The following SAP18 variants were observed in gnomAD, a reference collection of about 807,000 sequenced individuals.
SAP18 encodes the protein histone deacetylase complex subunit SAP18.
In SAP18, 4 loss-of-function variants were observed where a neutral mutation model predicts 18.6. The observed-to-expected ratio is 0.21, with a 90% CI of 0.11 to 0.49. The LOEUF (loss-of-function observed/expected upper bound fraction) is 0.49. Among genes scored for constraint, SAP18 ranks in the 20% least tolerant of loss-of-function variants. The probability of loss-of-function intolerance (pLI) is 0.98; values close to 1 mark genes in which losing one functional copy is unlikely to be tolerated. For synonymous variants in SAP18, 112 were observed against 82.8 expected, an observed-to-expected ratio of 1.35 and a Z score of -1.92; for missense variants, 170 against 226.4, an observed-to-expected ratio of 0.75 and a Z score of 1.60.
intron 2 of SAP18, among the ~76,000 whole-genome samples, chr13:21,144,226 G>A (rs1227975908): frequency 6.6e-6 from 1 of 152,018 alleles, no homozygotes; most frequent in Non-Finnish European, 1.5e-5. Flanking sequence ...CCAACATGGT[G>A]AAACCCCGTC....
Position 21,140,562 on chromosome 13 carries a change from G to A in SAP18, c.10G>A (p.Ala4Thr), listed in dbSNP as rs1184872447. Residue 4 changes from alanine to threonine, a missense_variant, in exon 1 of 4, where the codon GCA (alanine) becomes ACA (threonine). Around this residue, in one of 2 missense-constraint regions of SAP18, gnomAD observed 60 missense variants for 26.2 expected, o/e 2.29. Transcript: ENST00000621421. ...GAGAGACTTAGTGCTCATGCTCGCT[G>A]CAGGGGTCGGAGGTCAGGGCGAGCG... The A allele has an allele frequency of 3.1e-6, 5 of 1,596,242 alleles. No homozygotes were observed. The Admixed American group carries it at 7.0e-5, about 22-fold the overall frequency.
At chr13:21,141,281 A>G in intron 2 of SAP18, 2 of 468,808 alleles carry the variant, frequency 4.3e-6, no homozygotes, top group Non-Finnish European at 7.8e-6. Context: ...AGTGATAGGT[A>G]GATAAATATG....
intron 2 of SAP18, among the ~76,000 whole-genome samples, chr13:21,145,065 CTTTTTTT>C (rs1167195491): frequency 3.1e-5 from 4 of 127,736 alleles, no homozygotes; most frequent in Non-Finnish European, 6.6e-5. Flanking sequence ...TTCTTGACCT[CTTTTTTT>C]TTTTTTTTTT....
chr13:21,146,841 A>T (rs1293915875), exon 3 of SAP18: 1 of 1,610,848 alleles, frequency 6.2e-7, no homozygotes, highest in Non-Finnish European at 8.5e-7. Context: ...CAAGCTTAGT[A>T]AAAGAAGTCT....
chr13:21,145,848 T>C (rs1869631964), intron 2 of SAP18, among the ~76,000 whole-genome samples: 1 of 152,190 alleles, frequency 6.6e-6, no homozygotes, highest in African/African-American at 2.4e-5. Flanking sequence ...ATTTCTAAGA[T>C]GCTTATATGT....
exon 4 of SAP18, chr13:21,148,827 T>C (rs1869747328): frequency 6.6e-6 from 1 of 152,194 alleles, no homozygotes; most frequent in African/African-American, 2.4e-5. Flanking sequence ...ATAAAGGACT[T>C]TGTAAGCCAA....
At position 21,144,145 on chromosome 13, in the gene SAP18, G is replaced by A. The variant is rs939022896; in HGVS notation, c.240-2660G>A. ...ATTTCTGCTGGGCGTGGTGGCTCAC[G>A]CCTGTAATCCCAGCACTTTGGGAGG... On this transcript the variant is annotated intron_variant, in intron 2 of 3. Transcript: ENST00000621421. 3.3e-5 allele frequency among the ~76,000 whole-genome samples: 5 copies of A among 152,236 alleles called. No homozygotes were observed. The East Asian group carries it at 7.7e-4, about 24-fold the overall frequency.
intron 2 of SAP18, chr13:21,141,597 C>G (rs1869465023): frequency 6.5e-6 from 1 of 154,602 alleles, no homozygotes; most frequent in Non-Finnish European, 1.4e-5. Flanking sequence ...GCACATAACT[C>G]CTTGGATTGA....
At chr13:21,141,102 C>G in intron 2 of SAP18, 107 bp downstream of exon 2, 1 of 742,414 alleles carries the variant, frequency 1.3e-6, no homozygotes, top group Non-Finnish European at 2.3e-6. Context: ...TTTCATTTCT[C>G]CACTTGGGGC....
exon 1 of SAP18, chr13:21,140,582 C>T (rs375651525): frequency 3.7e-5 from 60 of 1,606,034 alleles, no homozygotes; most frequent in African/African-American, 1.7e-4. Flanking sequence ...GAGGTCAGGG[C>T]GAGCGTCTCG....
chr13:21,145,200 G>A (rs1419992319), intron 2 of SAP18, among the ~76,000 whole-genome samples: 1 of 151,344 alleles, frequency 6.6e-6, no homozygotes, highest in Non-Finnish European at 1.5e-5. Context: ...CTGAGTAGCT[G>A]GGATTACAGG....
exon 4 of SAP18, chr13:21,148,286 A>G (rs913508763): frequency 2.6e-5 from 4 of 152,246 alleles, no homozygotes; most frequent in Non-Finnish European, 5.9e-5. Context: ...GTTAAGACTG[A>G]ATATTTTAAA....
chr13:21,140,577 C>A, exon 1 of SAP18: 1 of 1,604,612 alleles, frequency 6.2e-7, no homozygotes, highest in Non-Finnish European at 8.5e-7. Flanking sequence ...GGTCGGAGGT[C>A]AGGGCGAGCG....
rs200936744 is a variant in SAP18 at position 21,140,539 on chromosome 13, G to A, written c.-14G>A. The A allele has an allele frequency of 2.6e-4, 408 of 1,574,242 alleles. 1 individual carries two copies. In the East Asian group the frequency reaches 8.7e-3, roughly 34 times the overall value. On this transcript the variant is annotated 5_prime_UTR_variant, in exon 1 of 4. Transcript: ENST00000621421. ...TAAAGTGTCGAGCTTCTCCTCGCGA[G>A]AGACTTAGTGCTCATGCTCGCTGCA...
chr13:21,147,391 TAAAC>T, exon 4 of SAP18: 1 of 1,499,328 alleles, frequency 6.7e-7, no homozygotes, highest in Non-Finnish European at 9.1e-7. Flanking sequence ...TTATGTAAAA[TAAAC>T]ATACTCTTCT....
At chr13:21,144,092 GA>G (rs1004617320) in intron 2 of SAP18, among the ~76,000 whole-genome samples, 23 of 152,154 alleles carry the variant, frequency 1.5e-4, no homozygotes, top group African/African-American at 5.3e-4. Flanking sequence ...CAGAAAAACA[GA>G]ATTGGGAGAG....
At chr13:21,143,898 G>A (rs538478754) in intron 2 of SAP18, among the ~76,000 whole-genome samples, 46 of 152,272 alleles carry the variant, frequency 3.0e-4, no homozygotes, top group African/African-American at 9.9e-4. Context: ...ACAAAGGCCT[G>A]CCCTCATTCC....
At chr13:21,142,991 C>A (rs931597299) in intron 2 of SAP18, among the ~76,000 whole-genome samples, 1 of 152,184 alleles carries the variant, frequency 6.6e-6, no homozygotes, top group African/African-American at 2.4e-5. Context: ...TCAGTGAACT[C>A]ATTACAGTAT....
exon 4 of SAP18, chr13:21,148,143 T>C (rs569198150): frequency 1.3e-5 from 2 of 151,936 alleles, no homozygotes; most frequent in Admixed American, 6.5e-5. Context: ...GCATCTGATC[T>C]GAGAGGCAGT....
Sources: allele counts gnomAD v4.1 joint callset (sites outside exome capture counted in the v4.1 genomes callset), GRCh38; gene constraint gnomAD v4.1.1; regional missense constraint gnomAD v4.1.1; transcripts MANE v1.5; gene names NCBI Gene and HGNC (gene_info 2026-07-23, HGNC 2026-07-21).